The following AFF3 variants were observed in gnomAD, a reference collection of about 807,000 sequenced individuals.
The protein encoded by AFF3 is AF4/FMR2 family member 3.
Under a neutral mutation model 129.7 loss-of-function variants are expected in AFF3, and 32 were observed. The ratio of observed to expected loss-of-function variants is 0.25; its 90% CI spans 0.19 to 0.33. The LOEUF is 0.33. Ranked by LOEUF, AFF3 falls within the 10% of genes least tolerant of loss-of-function variation. The probability of loss-of-function intolerance (pLI) is 1.00; values close to 1 mark genes in which losing one functional copy is unlikely to be tolerated. For missense variants in AFF3, 1,373 were observed against 1,592.0 expected, an observed-to-expected ratio of 0.86 and a Z score of 2.34; for synonymous variants, 644 against 635.4, an observed-to-expected ratio of 1.01 and a Z score of -0.20.
chr2:99,913,428 C>T (rs1169218052), intron 7 of AFF3, among the ~76,000 whole-genome samples: 1 of 152,056 alleles, frequency 6.6e-6, no homozygotes, highest in Non-Finnish European at 1.5e-5. Context: ...TCAATATGAA[C>T]CCTAGTTTCT....
At chr2:99,832,764 A>C (rs1688598251) in intron 8 of AFF3, among the ~76,000 whole-genome samples, 1 of 152,236 alleles carries the variant, frequency 6.6e-6, no homozygotes, top group Non-Finnish European at 1.5e-5. Context: ...GAATTTCTCT[A>C]GCCCTCCATC....
chr2:100,030,709 A>T (rs1245006189), intron 4 of AFF3, among the ~76,000 whole-genome samples: 1 of 152,228 alleles, frequency 6.6e-6, no homozygotes, highest in Non-Finnish European at 1.5e-5. Context: ...AAAAATACAC[A>T]GATGAATCCT....
chr2:99,827,071 A>G (rs1409312453), intron 8 of AFF3, among the ~76,000 whole-genome samples: 1 of 152,160 alleles, frequency 6.6e-6, no homozygotes, highest in Non-Finnish European at 1.5e-5. Context: ...AGCTGCAGGA[A>G]AAGCCGGCAG....
chr2:99,673,403 C>T (rs533948689), intron 11 of AFF3, among the ~76,000 whole-genome samples: 9 of 152,024 alleles, frequency 5.9e-5, no homozygotes, highest in Middle Eastern at 3.4e-3. Context: ...CGGGGAAGCA[C>T]GAGGTTAAAA....
intron 7 of AFF3, among the ~76,000 whole-genome samples, chr2:99,879,963 A>G (rs991135913): frequency 5.9e-5 from 9 of 152,232 alleles, no homozygotes; most frequent in Non-Finnish European, 1.2e-4. Flanking sequence ...TAAAATAACA[A>G]TAAAGGTGGT....
At chr2:100,038,856 G>T (rs1182347871) in intron 4 of AFF3, among the ~76,000 whole-genome samples, 1 of 151,848 alleles carries the variant, frequency 6.6e-6, no homozygotes, top group Non-Finnish European at 1.5e-5. Flanking sequence ...CCAAGTAGCT[G>T]GGATTACAGG....
rs576950079 is a variant in AFF3, at chr2:99,673,954, C to T, written c.1092-1365G>A. Reference sequence around the variant, plus strand: ...AGGGCAATCCTAAGGTTGAATCCTGCTTTAGATTCCGTTGTGAGTCTACAA... The same window carrying T: ...AGGGCAATCCTAAGGTTGAATCCTGTTTTAGATTCCGTTGTGAGTCTACAA... On this transcript the variant is annotated intron_variant, in intron 11 of 24. Transcript: ENST00000672756. Among the ~76,000 whole-genome samples the T allele has an allele frequency of 3.9e-5, 6 of 152,330 alleles. No individual in the cohort carries two copies. The South Asian group carries it at 1.0e-3, about 26-fold the overall frequency.
At chr2:99,870,202 C>G (rs1209414016) in intron 7 of AFF3, among the ~76,000 whole-genome samples, 1 of 152,216 alleles carries the variant, frequency 6.6e-6, no homozygotes, top group Non-Finnish European at 1.5e-5. Context: ...GTGTCAGGAG[C>G]AGCAAACAGT....
intron 14 of AFF3, among the ~76,000 whole-genome samples, chr2:99,594,575 C>T (rs1679100427): frequency 6.6e-6 from 1 of 152,110 alleles, no homozygotes; most frequent in Non-Finnish European, 1.5e-5. Context: ...AACCCATTTC[C>T]TAGTACTTTT....
chr2:99,942,835 C>T (rs1283678941), intron 7 of AFF3, among the ~76,000 whole-genome samples: 1 of 152,138 alleles, frequency 6.6e-6, no homozygotes, highest in African/African-American at 2.4e-5. Context: ...TCTCCACCCA[C>T]CTGGCCTCAC....
chr2:99,939,674 A>T (rs2106336107), intron 7 of AFF3, among the ~76,000 whole-genome samples: 1 of 152,304 alleles, frequency 6.6e-6, no homozygotes, highest in Non-Finnish European at 1.5e-5. Flanking sequence ...CTTACTCTGA[A>T]CTCCATACAG....
intron 4 of AFF3, among the ~76,000 whole-genome samples, chr2:100,014,349 A>C (rs1682807918): frequency 2.6e-5 from 4 of 152,146 alleles, no homozygotes; most frequent in South Asian, 4.1e-4. Flanking sequence ...TTTTGGAAAA[A>C]GTTATCATGT....
At chr2:99,629,615 G>T (rs1181564172) in intron 13 of AFF3, among the ~76,000 whole-genome samples, 4 of 152,118 alleles carry the variant, frequency 2.6e-5, no homozygotes, top group Admixed American at 6.5e-5. Context: ...AGTCGGTTTG[G>T]GCTGGCTATA....
intron 11 of AFF3, among the ~76,000 whole-genome samples, chr2:99,704,670 G>A (rs943183937): frequency 5.3e-5 from 8 of 152,208 alleles, no homozygotes; most frequent in African/African-American, 1.7e-4. Flanking sequence ...TAAAATATGT[G>A]AGCCCTGAAA....
intron 7 of AFF3, among the ~76,000 whole-genome samples, chr2:99,879,685 C>A (rs552310372): frequency 2.6e-5 from 4 of 152,302 alleles, no homozygotes; most frequent in Non-Finnish European, 5.9e-5. Flanking sequence ...TCATTTCACA[C>A]GTGGCCAAGT....
At chr2:100,071,701 C>A (rs534362109) in intron 4 of AFF3, among the ~76,000 whole-genome samples, 1 of 152,228 alleles carries the variant, frequency 6.6e-6, no homozygotes, top group East Asian at 1.9e-4. Context: ...AAGGGGTACC[C>A]CTAAAAATTC....
At chr2:99,858,382 C>CAAAA (rs34454669) in intron 7 of AFF3, among the ~76,000 whole-genome samples, 1 of 82,426 alleles carries the variant, frequency 1.2e-5, no homozygotes, top group Non-Finnish European at 2.8e-5. Flanking sequence ...CCTGTTTCTA[C>CAAAA]AAAAAAAAAA....
intron 11 of AFF3, among the ~76,000 whole-genome samples, chr2:99,680,333 T>C (rs942335647): frequency 2.0e-5 from 3 of 152,170 alleles, no homozygotes; most frequent in African/African-American, 7.2e-5. Context: ...TCTAGAAAAT[T>C]AGTTTCTGAG....
chr2:99,789,499 G>A (rs1452605968), intron 8 of AFF3, among the ~76,000 whole-genome samples: 1 of 146,978 alleles, frequency 6.8e-6, no homozygotes, highest in African/African-American at 2.5e-5. Flanking sequence ...CACTGGTTCT[G>A]CCTTCTTTTC....
Sources: allele counts gnomAD v4.1 joint callset (sites outside exome capture counted in the v4.1 genomes callset), GRCh38; gene constraint gnomAD v4.1.1; transcripts MANE v1.5; gene names NCBI Gene and HGNC (gene_info 2026-07-23, HGNC 2026-07-21).